The following RALGAPA2 variants were observed in gnomAD, a reference collection of about 807,000 sequenced individuals.
The protein encoded by RALGAPA2 is Ral GTPase activating protein catalytic subunit alpha 2, also known as ral GTPase-activating protein subunit alpha-2.
In RALGAPA2, 139 loss-of-function variants were observed where a neutral mutation model predicts 230.4. The ratio of observed to expected loss-of-function variants is 0.60; its 90% CI spans 0.53 to 0.69. RALGAPA2 has a LOEUF of 0.69. Ranked by LOEUF, RALGAPA2 falls within the 30% of genes least tolerant of loss-of-function variation. The pLI is 0.00. For missense variants in RALGAPA2, 2,163 were observed against 2,276.0 expected (o/e 0.95, Z 1.01); for synonymous variants, 847 against 837.8 (o/e 1.01, Z -0.19).
At chr20:20,684,208 C>G (rs934469910) in intron 1 of RALGAPA2, among the ~76,000 whole-genome samples, 6 of 152,144 alleles carry the variant, frequency 3.9e-5, no homozygotes, top group Admixed American at 3.9e-4. Flanking sequence ...TCCTCCTCCC[C>G]CCGGCCCTCT....
At chr20:20,446,266 C>T (rs761668392) in intron 37 of RALGAPA2, among the ~76,000 whole-genome samples, 2 of 152,080 alleles carry the variant, frequency 1.3e-5, no homozygotes, top group Admixed American at 6.6e-5. Flanking sequence ...GAGGGTTTCA[C>T]ATAAAAACAA....
At chr20:20,516,198 G>A (rs1032169390) in intron 31 of RALGAPA2, among the ~76,000 whole-genome samples, 1 of 152,216 alleles carries the variant, frequency 6.6e-6, no homozygotes, top group South Asian at 2.1e-4. Context: ...GAGAGTCAGA[G>A]CACAGACCTG....
intron 33 of RALGAPA2, among the ~76,000 whole-genome samples, chr20:20,506,597 T>A (rs2123714404): frequency 6.6e-6 from 1 of 152,258 alleles, no homozygotes; most frequent in South Asian, 2.1e-4. Flanking sequence ...AACTTTCTCC[T>A]TTTTTTGCAC....
chr20:20,581,020 C>T (rs748273805), intron 20 of RALGAPA2, among the ~76,000 whole-genome samples: 7 of 152,128 alleles, frequency 4.6e-5, no homozygotes, highest in Non-Finnish European at 1.0e-4. Context: ...TGTGATAATC[C>T]TTAAGCCTTA....
chr20:20,611,791 G>A (rs1230788040), intron 13 of RALGAPA2, among the ~76,000 whole-genome samples: 2 of 152,160 alleles, frequency 1.3e-5, no homozygotes, highest in South Asian at 2.1e-4. Flanking sequence ...CTTTAATTTT[G>A]CTATCCACTG....
chr20:20,572,729 T>TA (rs1194935018), intron 21 of RALGAPA2, 146 bp downstream of exon 21: 9 of 702,886 alleles, frequency 1.3e-5, no homozygotes, highest in African/African-American at 1.3e-4. Flanking sequence ...TATATATGAT[T>TA]ATTCTTTGAT....
intron 3 of RALGAPA2, among the ~76,000 whole-genome samples, chr20:20,656,242 C>T (rs1183795272): frequency 1.3e-5 from 2 of 152,154 alleles, no homozygotes; most frequent in Non-Finnish European, 2.9e-5. Context: ...GTGCTCGAAT[C>T]CAAGGAGAAA....
intron 37 of RALGAPA2, among the ~76,000 whole-genome samples, chr20:20,438,033 G>A (rs552420632): frequency 2.0e-5 from 3 of 152,332 alleles, no homozygotes; most frequent in African/African-American, 7.2e-5. Flanking sequence ...ACCCCATGGG[G>A]ATCTTCTGGG....
intron 37 of RALGAPA2, among the ~76,000 whole-genome samples, chr20:20,466,539 T>A (rs1218474431): frequency 6.6e-6 from 1 of 152,186 alleles, no homozygotes; most frequent in Non-Finnish European, 1.5e-5. Flanking sequence ...GGCTCTCCAT[T>A]TGGTTACAAT....
At chr20:20,529,820 G>A (rs2091411322) in intron 27 of RALGAPA2, among the ~76,000 whole-genome samples, 1 of 152,212 alleles carries the variant, frequency 6.6e-6, no homozygotes, top group African/African-American at 2.4e-5. Flanking sequence ...ACTATGCGAT[G>A]CGTGACTCTG....
chr20:20,568,178 T>C (rs1318508265), intron 23 of RALGAPA2, among the ~76,000 whole-genome samples: 1 of 152,124 alleles, frequency 6.6e-6, no homozygotes, highest in Non-Finnish European at 1.5e-5. Context: ...CTGTTTATAA[T>C]CCTAATTATT....
At chr20:20,534,778 CA>C (rs2063457231) in intron 26 of RALGAPA2, among the ~76,000 whole-genome samples, 1 of 152,044 alleles carries the variant, frequency 6.6e-6, no homozygotes, top group African/African-American at 2.4e-5. Context: ...AAATTATAAT[CA>C]AACCTGATAA....
At chr20:20,654,902 A>G (rs1321949568) in intron 3 of RALGAPA2, among the ~76,000 whole-genome samples, 1 of 152,018 alleles carries the variant, frequency 6.6e-6, no homozygotes, top group African/African-American at 2.4e-5. Context: ...CCTCACCAAC[A>G]CTTGTTACCT....
intron 36 of RALGAPA2, among the ~76,000 whole-genome samples, chr20:20,491,320 G>A (rs543998756): frequency 6.6e-6 from 1 of 151,986 alleles, no homozygotes; most frequent in Non-Finnish European, 1.5e-5. Flanking sequence ...TTTACAAAAG[G>A]GACACTCTGG....
intron 3 of RALGAPA2, 83 bp downstream of exon 3, chr20:20,676,153 T>G: frequency 1.0e-6 from 1 of 994,856 alleles, no homozygotes. Flanking sequence ...CCATTTTTAT[T>G]TGTCTTCAAA....
intron 3 of RALGAPA2, among the ~76,000 whole-genome samples, chr20:20,663,379 C>G (rs1468550900): frequency 1.3e-5 from 2 of 152,146 alleles, no homozygotes; most frequent in Non-Finnish European, 2.9e-5. Flanking sequence ...GTACCAAACC[C>G]TATATACACT....
chr20:20,444,900 C>T (rs1474805570), intron 37 of RALGAPA2, among the ~76,000 whole-genome samples: 2 of 152,168 alleles, frequency 1.3e-5, no homozygotes, highest in Admixed American at 6.5e-5. Context: ...TCCTTTTGTC[C>T]AGCGGGTCCA....
At chr20:20,582,550 G>A (rs1480449422) in intron 20 of RALGAPA2, among the ~76,000 whole-genome samples, 2 of 151,936 alleles carry the variant, frequency 1.3e-5, no homozygotes, top group Admixed American at 6.6e-5. Flanking sequence ...AGAAATCAAG[G>A]AAATTAGTAT....
At chr20:20,496,902 A>G (rs1378626216) in intron 35 of RALGAPA2, among the ~76,000 whole-genome samples, 2 of 152,186 alleles carry the variant, frequency 1.3e-5, no homozygotes, top group East Asian at 1.9e-4. Context: ...TGCCTATACC[A>G]TTGTACCTAT....
Sources: allele counts gnomAD v4.1 joint callset (sites outside exome capture counted in the v4.1 genomes callset), GRCh38; gene constraint gnomAD v4.1.1; transcripts MANE v1.5; gene names NCBI Gene and HGNC (gene_info 2026-07-23, HGNC 2026-07-21).